Variants in SERPINB6 observed in about 807,000 individuals in gnomAD.
SERPINB6 encodes serpin B6.
Under a neutral mutation model 26.1 loss-of-function variants are expected in SERPINB6, and 16 were observed. The observed-to-expected ratio is 0.61, with a 90% CI of 0.42 to 0.93. The LOEUF (loss-of-function observed/expected upper bound fraction) is 0.93. Among genes scored for constraint, SERPINB6 ranks in the 40% least tolerant of loss-of-function variants. The probability of loss-of-function intolerance (pLI) is 0.00; values close to 1 mark genes in which losing one functional copy is unlikely to be tolerated. For synonymous variants in SERPINB6, 174 were observed against 176.6 expected, an observed-to-expected ratio of 0.99 and a Z score of 0.11; for missense variants, 420 against 478.0, an observed-to-expected ratio of 0.88 and a Z score of 1.13.
chr6:2,971,555 C>G lies in SERPINB6; in HGVS notation c.-33G>C, dbSNP rs1772181512. The G allele has an allele frequency of 6.6e-6, 1 of 152,276 alleles. No homozygotes were observed. The highest frequency in any genetic ancestry group is 2.4e-5 in the African/African-American group (1 of 41,458). The allele number at this position is 152,276 out of a possible 1,614,324, so 9.4% of individuals were successfully genotyped here. ...TACTCCAGAGCGGGGAGCGAGCGAG[C>G]AGAACGGCGGGCAGAGGCGCCGGAG... On this transcript the variant is annotated 5_prime_UTR_variant, in exon 1 of 7. Transcript: ENST00000380539.
rs116801562 is a variant in SERPINB6 at position 2,952,051 on chromosome 6, T to C, written c.573+993A>G. ...CCCAGGTCTCACCTGCCTCCAGACC[T>C]CCTAGCAGGGGAGATGAGCTCCTAG... On this transcript the variant is annotated intron_variant, in intron 5 of 6. Transcript: ENST00000380539. Among the ~76,000 whole-genome samples the C allele has an allele frequency of 7.9e-3, 1,201 of 152,244 alleles. 7 individuals carry two copies. The highest frequency in any genetic ancestry group is 0.01 in the Non-Finnish European group (705 of 68,006).
chr6:2,966,435 G>C, intron 1 of SERPINB6: 1 of 986,460 alleles, frequency 1.0e-6, no homozygotes, highest in Non-Finnish European at 1.2e-6. Context: ...TCCGTCTGTG[G>C]TCTGTTAGGA....
At chr6:2,950,532 CAAAA>C (rs5873848) in intron 5 of SERPINB6, among the ~76,000 whole-genome samples, 5 of 110,178 alleles carry the variant, frequency 4.5e-5, no homozygotes, top group Non-Finnish European at 7.7e-5. Context: ...GACTCCATCT[CAAAA>C]AAAAAAAAAA....
intron 4 of SERPINB6, among the ~76,000 whole-genome samples, chr6:2,954,117 C>CAA (rs540686090): frequency 4.9e-4 from 33 of 67,788 alleles, no homozygotes; most frequent in South Asian, 1.5e-3. Context: ...GACCTTGTCT[C>CAA]AAAAAAAAAA....
chr6:2,955,677 T>C lies in SERPINB6; in HGVS notation c.166-7A>G. 6.2e-7 allele frequency: 1 copy of C among 1,614,078 alleles called. No homozygotes were observed. Among genetic ancestry groups the C allele is most frequent in the Non-Finnish European group, 8.5e-7 (1 of 1,180,006 alleles). On this transcript the variant is annotated splice_polypyrimidine_tract_variant and splice_region_variant and intron_variant, in intron 2 of 6. Transcript: ENST00000380539. Reference sequence around the variant, plus strand: ...TTTTATTGAAAGAAAGTATCTGAAATCAAAAACAGAATGAAAACAAATCAT... The same window carrying C: ...TTTTATTGAAAGAAAGTATCTGAAACCAAAAACAGAATGAAAACAAATCAT...
At chr6:2,970,470 A>G (rs1230120408) in intron 1 of SERPINB6, 8 of 1,110,578 alleles carry the variant, frequency 7.2e-6, no homozygotes, top group Non-Finnish European at 2.2e-6. Context: ...TAAAAGCCCC[A>G]GCAATACAAG....
At chr6:2,969,388 T>C in intron 1 of SERPINB6, 15 of 961,118 alleles carry the variant, frequency 1.6e-5, no homozygotes, top group Non-Finnish European at 1.8e-5. Context: ...CATAGACAAA[T>C]ATTTATGCAA....
At chr6:2,964,005 C>T (rs1771385311) in intron 1 of SERPINB6, 1 of 152,298 alleles carries the variant, frequency 6.6e-6, no homozygotes, top group South Asian at 2.1e-4. Context: ...GAGGGCCAGC[C>T]CGGGAACTCC....
chr6:2,954,946 T>C (rs1278741685), intron 3 of SERPINB6: 3 of 487,706 alleles, frequency 6.2e-6, no homozygotes, highest in South Asian at 4.6e-5. Flanking sequence ...TCCCAGCACT[T>C]TGGGGGGCCG....
chr6:2,954,806 T>C, intron 3 of SERPINB6, 97 bp from the exon 4 acceptor site: 2 of 824,976 alleles, frequency 2.4e-6, no homozygotes, highest in Non-Finnish European at 4.2e-6. Context: ...TCTATAATTT[T>C]ATGATTGACA....
upstream of SERPINB6, chr6:2,971,756 G>A (rs1302358047): frequency 6.6e-6 from 1 of 152,272 alleles, no homozygotes; most frequent in East Asian, 1.9e-4. Flanking sequence ...CACAGTACAG[G>A]GCCCCACCAG....
intron 2 of SERPINB6, among the ~76,000 whole-genome samples, 186 bp downstream of exon 2, chr6:2,958,982 G>A (rs981863431): frequency 6.6e-6 from 1 of 152,094 alleles, no homozygotes; most frequent in Admixed American, 6.5e-5. Context: ...TCCACCCCAG[G>A]GGGTCAGTCA....
chr6:2,953,218 A>G (rs1371628148), intron 4 of SERPINB6, 32 bp from the exon 5 acceptor site: 1 of 1,613,830 alleles, frequency 6.2e-7, no homozygotes, highest in South Asian at 1.1e-5. Context: ...CGCATTAGAT[A>G]GGGGCGGCTG....
chr6:2,960,422 C>T (rs1770969418), intron 1 of SERPINB6: 1 of 152,328 alleles, frequency 6.6e-6, no homozygotes, highest in Non-Finnish European at 1.5e-5. Flanking sequence ...AAGGGCCCCA[C>T]AGGCAGTCAG....
Position 2,955,646 on chromosome 6 carries a change from C to T in SERPINB6, c.190G>A (p.Gly64Ser), listed in dbSNP as rs761738216. 14 of 1,613,996 alleles carry T rather than the reference C, an allele frequency of 8.7e-6. No individual in the cohort carries two copies. The highest frequency in any genetic ancestry group is 4.0e-5 in the African/African-American group (3 of 74,922). Reference protein sequence around the residue: ...AQILSFNKSGGGGDIHQGFQS... With the variant: ...AQILSFNKSGSGGDIHQGFQS... ...AAGCCCTGGTGGATGTCTCCACCAC[C>T]GCCACTTTTATTGAAAGAAAGTATC... Residue 64 changes from glycine to serine, a missense_variant, in exon 3 of 7, where the codon GGT (glycine) becomes AGT (serine). By Grantham distance (56) the Gly-to-Ser change is moderately conservative. Coordinates refer to ENST00000380539, the MANE Select transcript of SERPINB6 (RefSeq NM_004568.6).
rs971077603 is a variant in SERPINB6, at chr6:2,969,954, G to C, written c.-11+1579C>G. On this transcript the variant is annotated intron_variant, in intron 1 of 6. Coordinates refer to ENST00000380539, the MANE Select transcript of SERPINB6 (RefSeq NM_004568.6). The stretch of plus-strand genomic sequence containing the variant: ...GTTTGAGACCAGCCTGGCCAGCATG[G>C]TGAAACCCCATTGCTACTAAAAATA... 10 of 751,874 alleles carry C rather than the reference G, an allele frequency of 1.3e-5. No individual in the cohort carries two copies. The Admixed American group carries it at 6.3e-4, about 47-fold the overall frequency. 46.6% of individuals were successfully genotyped at this position (751,874 alleles called of 1,614,324 possible).
chr6:2,958,341 C>T (rs535688350), intron 2 of SERPINB6, among the ~76,000 whole-genome samples: 6 of 152,314 alleles, frequency 3.9e-5, no homozygotes, highest in African/African-American at 1.4e-4. Context: ...ACAGCAGTCA[C>T]GGGTGGCCCC....
chr6:2,963,186 G>A (rs1398549914), intron 1 of SERPINB6, among the ~76,000 whole-genome samples: 1 of 152,092 alleles, frequency 6.6e-6, no homozygotes, highest in Non-Finnish European at 1.5e-5. Flanking sequence ...GTAGAAACAC[G>A]TGCAAAGGAC....
rs557283618 is a variant in SERPINB6 at position 2,958,963 on chromosome 6, C to T, written c.165+205G>A. ...AAATCATTCATTCCTCTGAATCGGGCGCCCCCTCTCCACCCCAGGGGGTCA... is the reference window on the plus strand; with the variant it reads ...AAATCATTCATTCCTCTGAATCGGGTGCCCCCTCTCCACCCCAGGGGGTCA... On this transcript the variant is annotated intron_variant, in intron 2 of 6. Coordinates refer to ENST00000380539, the MANE Select transcript of SERPINB6 (RefSeq NM_004568.6). 1.1e-3 allele frequency among the ~76,000 whole-genome samples: 165 copies of T among 152,126 alleles called. 2 individuals carry two copies. Among genetic ancestry groups the T allele is most frequent in the African/African-American group, 3.7e-3 (154 of 41,418 alleles).
Sources: allele counts gnomAD v4.1 joint callset (sites outside exome capture counted in the v4.1 genomes callset), GRCh38; gene constraint gnomAD v4.1.1; transcripts MANE v1.5; gene names NCBI Gene and HGNC (gene_info 2026-07-23, HGNC 2026-07-21).